NCOR2: variants seen among roughly 807,000 people sequenced by gnomAD.
NCOR2 encodes nuclear receptor corepressor 2, also known as CTG repeat protein 26.
A neutral mutation model predicts 262.9 loss-of-function variants in NCOR2; 81 were observed. That is an observed-to-expected ratio of 0.31 (90% CI 0.26 to 0.37). The LOEUF is 0.37. NCOR2 is among the 10% of genes least tolerant of loss of function. The pLI is 1.00. For missense variants in NCOR2, 3,385 were observed against 3,621.4 expected, an observed-to-expected ratio of 0.93 and a Z score of 1.68; for synonymous variants, 1,659 against 1,559.3, an observed-to-expected ratio of 1.06 and a Z score of -1.51.
intron 16 of NCOR2, among the ~76,000 whole-genome samples, chr12:124,388,158 C>A (rs1186332518): frequency 1.3e-5 from 2 of 152,146 alleles, no homozygotes; most frequent in African/African-American, 4.8e-5. Flanking sequence ...GTCATCCAGG[C>A]GCCTGGCCAG....
intron 8 of NCOR2, among the ~76,000 whole-genome samples, chr12:124,436,765 G>A (rs1173154423): frequency 1.3e-5 from 2 of 152,160 alleles, no homozygotes; most frequent in Non-Finnish European, 2.9e-5. Context: ...GTTTGTCAAT[G>A]TTCTAACATA....
At chr12:124,476,229 T>C (rs74719536) in intron 3 of NCOR2, among the ~76,000 whole-genome samples, 1 of 152,202 alleles carries the variant, frequency 6.6e-6, no homozygotes, top group Admixed American at 6.5e-5. Flanking sequence ...CTGTGCCAAC[T>C]GACGTGAGAC....
intron 13 of NCOR2, among the ~76,000 whole-genome samples, chr12:124,410,033 C>A (rs2042481626): frequency 6.6e-6 from 1 of 151,344 alleles, no homozygotes; most frequent in South Asian, 2.1e-4. Context: ...CCCTGCAGAA[C>A]AGACTCAAAC....
At chr12:124,340,471 GC>G (rs759362034) in intron 35 of NCOR2, 28 bp from the exon 38 acceptor site, 2 of 1,603,340 alleles carry the variant, frequency 1.2e-6, no homozygotes, top group South Asian at 2.2e-5. Flanking sequence ...CAGAGACTCA[GC>G]CCCAGGGCCG....
chr12:124,559,123 C>A (rs1055715459), intron 1 of NCOR2, among the ~76,000 whole-genome samples: 2 of 152,164 alleles, frequency 1.3e-5, no homozygotes, highest in South Asian at 4.1e-4. Context: ...TCACCCGGGT[C>A]TGGTCCAATT....
At chr12:124,518,819 G>A (rs868098617) in intron 1 of NCOR2, among the ~76,000 whole-genome samples, 47 of 152,240 alleles carry the variant, frequency 3.1e-4, no homozygotes, top group Admixed American at 5.9e-4. Flanking sequence ...CTCCCAGCCC[G>A]GACTGTCCAG....
chr12:124,495,044 C>T lies in NCOR2; in HGVS notation c.105+103G>A. On this transcript the variant is annotated intron_variant, in intron 1 of 46. Coordinates refer to ENST00000405201, the Ensembl canonical transcript of NCOR2. The surrounding 1 kb of genome is among the most constrained non-coding windows in gnomAD (Gnocchi z 4.4). ...CCCTCTGCCCTGGGAGGCTCAGAGC[C>T]ACATGAGCCTGGCTCCCAGGAGAAA... 1 of 1,437,502 alleles carries T rather than the reference C, an allele frequency of 7.0e-7. No homozygotes were observed. Among genetic ancestry groups the T allele is most frequent in the African/African-American group, 1.4e-5 (1 of 70,076 alleles). 89.0% of individuals were successfully genotyped at this position (1,437,502 alleles called of 1,614,324 possible). A position where few individuals can be genotyped will look rare whatever the true frequency, so the allele number is the denominator to read the frequency against.
chr12:124,413,303 G>C (rs1015786944), intron 13 of NCOR2, among the ~76,000 whole-genome samples: 6 of 152,222 alleles, frequency 3.9e-5, no homozygotes, highest in African/African-American at 1.2e-4. Flanking sequence ...GGGCAGTCTG[G>C]GGTGTTGAGA....
chr12:124,473,174 A>AC, intron 3 of NCOR2, 43 bp from the exon 6 acceptor site: 2 of 1,603,764 alleles, frequency 1.2e-6, no homozygotes, highest in East Asian at 2.2e-5. Flanking sequence ...CACAGGGGAC[A>AC]CCCCCCAGTC....
At chr12:124,527,242 T>C (rs1359293447) in intron 1 of NCOR2, among the ~76,000 whole-genome samples, 1 of 151,996 alleles carries the variant, frequency 6.6e-6, no homozygotes, top group East Asian at 1.9e-4. Flanking sequence ...CAGCACGCCC[T>C]GTAGGGTGAG....
chr12:124,415,491 G>A (rs188887847), intron 13 of NCOR2, among the ~76,000 whole-genome samples: 8 of 152,338 alleles, frequency 5.3e-5, no homozygotes, highest in Non-Finnish European at 1.0e-4. Context: ...TGTTTACCCC[G>A]TGGTTGTGAA....
At chr12:124,439,661 G>T (rs931853382) in intron 7 of NCOR2, among the ~76,000 whole-genome samples, 2 of 151,834 alleles carry the variant, frequency 1.3e-5, no homozygotes, top group Non-Finnish European at 2.9e-5. Flanking sequence ...ATCCAAGAAA[G>T]GACAGAGACC....
chr12:124,388,283 G>A (rs1462756718), intron 16 of NCOR2, among the ~76,000 whole-genome samples: 1 of 152,192 alleles, frequency 6.6e-6, no homozygotes, highest in Non-Finnish European at 1.5e-5. Context: ...GCGGGGTAGG[G>A]GCAGGCTGGC....
rs1164514504 is a variant in NCOR2 at position 124,541,283 on chromosome 12, A to G, written c.-164-5672T>C. On this transcript the variant is annotated intron_variant, in intron 1 of 32. Coordinates refer to the NCOR2 transcript ENST00000458234. ...GCTGGGGGTGGAGAGCTAGAGGGGG[A>G]TGGGGGAGATGGAGGGGGATGGGGA... Among the ~76,000 whole-genome samples the G allele has an allele frequency of 5.0e-3, 6 of 1,198 alleles. No homozygotes were observed. In the East Asian group the frequency reaches 0.14, roughly 27 times the overall value. 0.8% of individuals were successfully genotyped at this position (1,198 alleles called of 152,430 possible).
intron 8 of NCOR2, among the ~76,000 whole-genome samples, chr12:124,431,169 G>C (rs1565937289): frequency 7.0e-6 from 1 of 142,342 alleles, no homozygotes; most frequent in Non-Finnish European, 1.5e-5. Context: ...GACACACACA[G>C]ATACACAAAG....
rs367894393 is a variant in NCOR2 at position 124,443,026 on chromosome 12, C to G, written c.816-5030G>C. On this transcript the variant is annotated intron_variant, in intron 7 of 46. Coordinates refer to ENST00000405201, the Ensembl canonical transcript of NCOR2. The surrounding 1 kb of genome is among the most constrained non-coding windows in gnomAD (Gnocchi z 4.4). The stretch of plus-strand genomic sequence containing the variant: ...GGAACCGGCAAGGAAGCAGCCTCCC[C>G]CAGAGCCTTCTAGAGAATGTGGTCC... 6.6e-5 allele frequency among the ~76,000 whole-genome samples: 10 copies of G among 152,364 alleles called. No homozygotes were observed. In the East Asian group the frequency reaches 1.9e-3, roughly 29 times the overall value.
chr12:124,374,390 A>AG, intron 19 of NCOR2, 23 bp downstream of exon 21: 1 of 1,611,298 alleles, frequency 6.2e-7, no homozygotes, highest in Non-Finnish European at 8.5e-7. Flanking sequence ...CCTACCCCCC[A>AG]GGCCAGCCGG....
chr12:124,432,537 A>G lies in NCOR2; in HGVS notation c.883-1750T>C, dbSNP rs1273406239. ...GGCTGGGGCTCCGGCCGCACCAGACAGCCCGGATGGAGCCCACTGCCACAC... is the reference window on the plus strand; with the variant it reads ...GGCTGGGGCTCCGGCCGCACCAGACGGCCCGGATGGAGCCCACTGCCACAC... On this transcript the variant is annotated intron_variant, in intron 8 of 46. Transcript: ENST00000405201. The surrounding 1 kb of genome is among the most constrained non-coding windows in gnomAD (Gnocchi z 5.1). 6.6e-6 allele frequency among the ~76,000 whole-genome samples: 1 copy of G among 152,186 alleles called. No individual in the cohort carries two copies. The highest frequency in any genetic ancestry group is 6.5e-5 in the Admixed American group (1 of 15,290).
chr12:124,488,769 C>T (rs1361909588), intron 1 of NCOR2, among the ~76,000 whole-genome samples: 4 of 152,238 alleles, frequency 2.6e-5, no homozygotes, highest in Non-Finnish European at 5.9e-5. Flanking sequence ...CTCTCCCATA[C>T]CAAGGCCAAG....
Sources: allele counts gnomAD v4.1 joint callset (sites outside exome capture counted in the v4.1 genomes callset), GRCh38; gene constraint gnomAD v4.1.1; non-coding constraint Gnocchi (gnomAD v3.1); transcripts MANE v1.5; gene names NCBI Gene and HGNC (gene_info 2026-07-23, HGNC 2026-07-21).